The following DPH6 variants were observed in gnomAD, a reference collection of about 807,000 sequenced individuals.
DPH6 encodes diphthamine biosynthesis 6.
In DPH6, 33 loss-of-function variants were observed where a neutral mutation model predicts 38.2. That is an observed-to-expected ratio of 0.86 (90% CI 0.65 to 1.15). DPH6 has a LOEUF of 1.15. Ranked by LOEUF, DPH6 falls within the 50% of genes most tolerant of loss-of-function variation. The pLI, the probability that DPH6 is intolerant of heterozygous loss-of-function variation, is 0.00. For synonymous variants in DPH6, 108 were observed against 103.0 expected, an observed-to-expected ratio of 1.05 and a Z score of -0.30; for missense variants, 325 against 320.0, an observed-to-expected ratio of 1.02 and a Z score of -0.12.
rs551812307 is a variant in DPH6 at position 35,365,159 on chromosome 15, A to C, written n.207+8362T>G. 1.7e-4 allele frequency among the ~76,000 whole-genome samples: 26 copies of C among 152,162 alleles called. No individual in the cohort carries two copies. The South Asian group carries it at 5.2e-3, about 30-fold the overall frequency. On this transcript the variant is annotated intron_variant and non_coding_transcript_variant, in intron 3 of 3. Transcript: ENST00000558973. The stretch of plus-strand genomic sequence containing the variant: ...GTAATATGACCCTCAACCTGGGCTT[A>C]AATCTATCATTATAAGTACTTCAGG...
In DPH6 at chr15:35,344,544, A is replaced by C. The variant is rs150056744; in HGVS notation, n.208-13467T>G. ...GTTACAAAAAATGCTAGATTCCAAA[A>C]GGATTTTATATTCTCTCATTAGATC... On this transcript the variant is annotated intron_variant and non_coding_transcript_variant, in intron 3 of 3. Transcript: ENST00000558973. 5.6e-3 allele frequency among the ~76,000 whole-genome samples: 845 copies of C among 152,054 alleles called. 3 individuals carry two copies. The highest frequency in any genetic ancestry group is 8.5e-3 in the Non-Finnish European group (575 of 67,792).
chr15:35,343,704 T>C (rs973336828), intron 3 of DPH6, among the ~76,000 whole-genome samples: 2 of 151,974 alleles, frequency 1.3e-5, no homozygotes, highest in African/African-American at 4.8e-5. Context: ...CTACTAAACG[T>C]TGGATTTGGT....
At chr15:35,470,231 C>G (rs1309562085) in intron 3 of DPH6, among the ~76,000 whole-genome samples, 1 of 151,742 alleles carries the variant, frequency 6.6e-6, no homozygotes, top group Non-Finnish European at 1.5e-5. Flanking sequence ...AAATGACAAA[C>G]AAATAAATAA....
the DPH6 span, among the ~76,000 whole-genome samples, chr15:35,170,682 G>A: frequency 6.6e-6 from 1 of 152,242 alleles, no homozygotes; most frequent in East Asian, 1.9e-4. Context: ...TGTTGAGTAG[G>A]AAAAATGCAC....
downstream of DPH6, among the ~76,000 whole-genome samples, chr15:35,329,384 A>C (rs542489197): frequency 6.6e-6 from 1 of 152,310 alleles, no homozygotes; most frequent in African/African-American, 2.4e-5. Context: ...AGCATTCTCC[A>C]TAAACTATTT....
chr15:35,354,731 T>C (rs60216953), intron 3 of DPH6, among the ~76,000 whole-genome samples: 41,445 of 151,968 alleles, frequency 0.27, 5,908 homozygotes, highest in South Asian at 0.38. Context: ...GGGATATTGG[T>C]CTAAAATTCT....
chr15:35,285,872 G>GTTTTTTTTTTTTTTGTTTT (rs2051939163), intron 3 of DPH6, among the ~76,000 whole-genome samples: 1 of 52,794 alleles, frequency 1.9e-5, no homozygotes, highest in Non-Finnish European at 3.3e-5. Flanking sequence ...TTATCTTTGA[G>GTTTTTTTTTTTTTTGTTTT]TTTTTTTTTT....
chr15:35,491,592 TTCTC>T (rs1184881428), intron 3 of DPH6, among the ~76,000 whole-genome samples: 1 of 128,340 alleles, frequency 7.8e-6, no homozygotes, highest in Non-Finnish European at 1.7e-5. Context: ...CACACACAGA[TTCTC>T]TCTCTCGATA....
intron 3 of DPH6, among the ~76,000 whole-genome samples, chr15:35,347,221 A>G (rs1203201659): frequency 1.3e-5 from 2 of 152,130 alleles, no homozygotes; most frequent in East Asian, 1.9e-4. Context: ...GCTACCACAT[A>G]TACTTGGAAT....
the DPH6 span, among the ~76,000 whole-genome samples, chr15:35,205,392 C>G: frequency 5.3e-4 from 80 of 152,096 alleles, no homozygotes; most frequent in African/African-American, 1.9e-3. Flanking sequence ...ACTCATACAG[C>G]AGAGTCTACC....
At chr15:35,170,040 T>C in the DPH6 span, among the ~76,000 whole-genome samples, 2 of 152,188 alleles carry the variant, frequency 1.3e-5, no homozygotes, top group African/African-American at 2.4e-5. Context: ...TAAAACCCAC[T>C]GAGGGGCTTT....
rs200030258 is a variant in DPH6 at position 35,372,163 on chromosome 15, A to G, written c.791T>C (p.Ile264Thr). Residue 264 changes from isoleucine to threonine, a missense_variant, in exon 9 of 9, where the codon ATA becomes ACA. By Grantham distance (89) the Ile-to-Thr change is moderately conservative. Coordinates refer to ENST00000256538, the MANE Select transcript of DPH6 (RefSeq NM_080650.4). ...CCAAAACACTTTTCAAAAATTATAT[A>G]TATAATTAGATGTTCTGTAGTTGTC... Reference protein sequence around the residue: ...VPDNYRTSNYIYNF With the variant: ...VPDNYRTSNYTYNF The G allele has an allele frequency of 1.2e-4, 185 of 1,523,114 alleles. 1 individual carries two copies. In the African/African-American group the frequency reaches 2.2e-3, roughly 18 times the overall value. The allele number at this position is 1,523,114 out of a possible 1,614,324, so 94.3% of individuals were successfully genotyped here. A position where few individuals can be genotyped will look rare whatever the true frequency, so the allele number is the denominator to read the frequency against.
At chr15:35,288,647 G>A (rs1200830027) in intron 3 of DPH6, among the ~76,000 whole-genome samples, 6 of 152,120 alleles carry the variant, frequency 3.9e-5, no homozygotes, top group Admixed American at 3.9e-4. Flanking sequence ...GACATGACAT[G>A]CTCCAAGATG....
intron 3 of DPH6, among the ~76,000 whole-genome samples, chr15:35,312,010 G>GAAAAAAAAAAAAAAAAAAAAAT (rs2052146492): frequency 4.9e-5 from 5 of 102,140 alleles, no homozygotes; most frequent in Non-Finnish European, 9.7e-5. Context: ...TTAAGAAAAT[G>GAAAAAAAAAAAAAAAAAAAAAT]AAAAAAAAAA....
At chr15:35,255,033 AC>A (rs1451379513) in intron 3 of DPH6, among the ~76,000 whole-genome samples, 37 of 152,142 alleles carry the variant, frequency 2.4e-4, no homozygotes, top group Admixed American at 2.4e-3. Flanking sequence ...ATCTTCAGTT[AC>A]TTTAGGCCAT....
At chr15:35,453,153 C>G (rs1052390863) in intron 4 of DPH6, among the ~76,000 whole-genome samples, 1 of 152,058 alleles carries the variant, frequency 6.6e-6, no homozygotes, top group South Asian at 2.1e-4. Flanking sequence ...TTTGAAGTTT[C>G]AAGGATAAAA....
At chr15:35,417,319 G>A (rs1377231273) in intron 5 of DPH6, among the ~76,000 whole-genome samples, 2 of 151,930 alleles carry the variant, frequency 1.3e-5, no homozygotes, top group Non-Finnish European at 2.9e-5. Flanking sequence ...CTATAATTAT[G>A]AAGCTCTAAG....
chr15:35,226,509 C>T (rs2589527), intron 3 of DPH6, among the ~76,000 whole-genome samples: 76,149 of 152,072 alleles, frequency 0.5, 23,656 homozygotes, highest in Non-Finnish European at 0.69. Flanking sequence ...GTCAAAATGG[C>T]ATATCATCAT....
the DPH6 span, among the ~76,000 whole-genome samples, chr15:35,207,692 T>C: frequency 6.2e-4 from 95 of 152,378 alleles, no homozygotes; most frequent in East Asian, 3.5e-3. Context: ...ACATTCTTTA[T>C]ACCTTGCAAT....
Sources: allele counts gnomAD v4.1 joint callset (sites outside exome capture counted in the v4.1 genomes callset), GRCh38; gene constraint gnomAD v4.1.1; transcripts MANE v1.5; gene names NCBI Gene and HGNC (gene_info 2026-07-23, HGNC 2026-07-21).